The following KIAA1217 variants were observed in gnomAD, a reference collection of about 807,000 sequenced individuals.
The protein encoded by KIAA1217 is KIAA1217.
In KIAA1217, 88 loss-of-function variants were observed where a neutral mutation model predicts 163.9. The ratio of observed to expected loss-of-function variants is 0.54; its 90% CI spans 0.45 to 0.64. KIAA1217 has a LOEUF of 0.64. Among genes scored for constraint, KIAA1217 ranks in the 30% least tolerant of loss-of-function variants. The pLI is 0.00. For synonymous variants in KIAA1217, 903 were observed against 923.1 expected (o/e 0.98, Z 0.39); for missense variants, 2,372 against 2,475.0 (o/e 0.96, Z 0.88).
At chr10:23,790,002 T>C (rs1243445943) in intron 1 of KIAA1217, among the ~76,000 whole-genome samples, 1 of 105,456 alleles carries the variant, frequency 9.5e-6, no homozygotes, top group African/African-American at 4.2e-5. Context: ...TATACACATA[T>C]GCACATACAC....
At chr10:23,853,564 G>C (rs909789639) in intron 1 of KIAA1217, among the ~76,000 whole-genome samples, 1 of 152,160 alleles carries the variant, frequency 6.6e-6, no homozygotes, top group South Asian at 2.1e-4. Context: ...TTTTTCTATT[G>C]ATTGCAATAG....
intron 1 of KIAA1217, among the ~76,000 whole-genome samples, chr10:23,843,736 G>A (rs1838895823): frequency 6.6e-6 from 1 of 152,172 alleles, no homozygotes; most frequent in Non-Finnish European, 1.5e-5. Context: ...TGGTTGACCT[G>A]TTCCCTTGGC....
chr10:24,176,853 G>T (rs889542832), intron 2 of KIAA1217, among the ~76,000 whole-genome samples: 33 of 152,140 alleles, frequency 2.2e-4, no homozygotes, highest in African/African-American at 6.8e-4. Flanking sequence ...CGAGCTGCAG[G>T]TCCCGAGCCC....
intron 12 of KIAA1217, among the ~76,000 whole-genome samples, chr10:24,522,488 G>A (rs2071436137): frequency 6.6e-6 from 1 of 152,206 alleles, no homozygotes; most frequent in African/African-American, 2.4e-5. Context: ...ACCTCCTGAA[G>A]GAGTATCTGT....
intron 2 of KIAA1217, among the ~76,000 whole-genome samples, chr10:24,273,343 A>G (rs1009340497): frequency 2.0e-5 from 3 of 152,316 alleles, no homozygotes; most frequent in African/African-American, 7.2e-5. Flanking sequence ...CTCTAGTCAT[A>G]TTCTCAGACA....
At chr10:23,813,609 T>C (rs1253261932) in intron 1 of KIAA1217, among the ~76,000 whole-genome samples, 9 of 152,176 alleles carry the variant, frequency 5.9e-5, no homozygotes, top group Non-Finnish European at 8.8e-5. Context: ...TACCATAATG[T>C]ATTTAATTGT....
chr10:23,704,669 T>C (rs1564352235), intron 1 of KIAA1217, among the ~76,000 whole-genome samples: 1 of 152,220 alleles, frequency 6.6e-6, no homozygotes, highest in Non-Finnish European at 1.5e-5. Context: ...TAAAAGTTCA[T>C]TGTATGGATA....
intron 5 of KIAA1217, among the ~76,000 whole-genome samples, chr10:24,471,071 T>G (rs920832825): frequency 1.3e-5 from 2 of 152,180 alleles, no homozygotes; most frequent in African/African-American, 4.8e-5. Flanking sequence ...CTACATGCAG[T>G]GAATTTTTGT....
chr10:24,366,687 G>A (rs933606383), intron 2 of KIAA1217, among the ~76,000 whole-genome samples: 9 of 152,178 alleles, frequency 5.9e-5, no homozygotes, highest in Admixed American at 6.5e-5. Context: ...GCCTGCTTTC[G>A]TGGAGCAATC....
At chr10:24,092,221 A>T (rs1195241148) in intron 2 of KIAA1217, among the ~76,000 whole-genome samples, 1 of 151,598 alleles carries the variant, frequency 6.6e-6, no homozygotes, top group Non-Finnish European at 1.5e-5. Context: ...TGTCAGCTGA[A>T]ATTATCCATG....
chr10:24,167,702 C>A (rs2065425175), intron 2 of KIAA1217, among the ~76,000 whole-genome samples: 1 of 152,170 alleles, frequency 6.6e-6, no homozygotes, highest in Non-Finnish European at 1.5e-5. Flanking sequence ...CTCCCTCACA[C>A]AAACTCAATG....
At chr10:23,790,414 CATATATACATATAT>C (rs1564423428) in intron 1 of KIAA1217, among the ~76,000 whole-genome samples, 2 of 68,838 alleles carry the variant, frequency 2.9e-5, no homozygotes, top group Non-Finnish European at 5.6e-5. Context: ...TATACATATA[CATATATACATATAT>C]ACATATACAT....
chr10:23,929,478 T>C (rs908013091), intron 1 of KIAA1217, among the ~76,000 whole-genome samples: 1 of 152,148 alleles, frequency 6.6e-6, no homozygotes, highest in Non-Finnish European at 1.5e-5. Flanking sequence ...TTCCTCACTT[T>C]TGGAGTCCCC....
chr10:23,869,160 A>G (rs1457541042), intron 1 of KIAA1217, among the ~76,000 whole-genome samples: 1 of 104,896 alleles, frequency 9.5e-6, no homozygotes, highest in Non-Finnish European at 1.8e-5. Flanking sequence ...TTTTTGCATA[A>G]GTAGCATATA....
At chr10:23,915,029 C>T (rs547854892) in intron 1 of KIAA1217, among the ~76,000 whole-genome samples, 55 of 151,246 alleles carry the variant, frequency 3.6e-4, no homozygotes, top group African/African-American at 1.2e-3. Context: ...ATAGACCCGA[C>T]CTGTGACAGA....
At chr10:24,451,239 G>A (rs1236710743) in intron 5 of KIAA1217, among the ~76,000 whole-genome samples, 1 of 152,220 alleles carries the variant, frequency 6.6e-6, no homozygotes, top group East Asian at 1.9e-4. Flanking sequence ...TTGTTTGTGA[G>A]CTTGATTTGG....
At chr10:24,355,854 T>TTCTCC (rs1296561814) in intron 2 of KIAA1217, among the ~76,000 whole-genome samples, 3 of 144,190 alleles carry the variant, frequency 2.1e-5, no homozygotes, top group Non-Finnish European at 4.5e-5. Flanking sequence ...GTTCAAGCCA[T>TTCTCC]TCTCCTGCTT....
At position 24,282,474 on chromosome 10, in the gene KIAA1217, C is replaced by T. The variant is rs138905924; in HGVS notation, c.354+62565C>T. On this transcript the variant is annotated intron_variant, in intron 2 of 20. Transcript: ENST00000376454. ...CATAAGAAATTTGTGTTTATTTATCCCCCTGTGTTTATTTATTCAATCATT... is the reference window on the plus strand; with the variant it reads ...CATAAGAAATTTGTGTTTATTTATCTCCCTGTGTTTATTTATTCAATCATT... Among the ~76,000 whole-genome samples, 203 of 152,106 alleles carry T rather than the reference C, an allele frequency of 1.3e-3. 2 individuals carry two copies. Among genetic ancestry groups the T allele is most frequent in the African/African-American group, 4.4e-3 (182 of 41,492 alleles).
chr10:24,304,205 C>CTTTT (rs35675149), intron 2 of KIAA1217, among the ~76,000 whole-genome samples: 1 of 125,532 alleles, frequency 8.0e-6, no homozygotes, highest in Non-Finnish European at 1.7e-5. Context: ...ATTAGGTTAC[C>CTTTT]TTTTTTTTTT....
Sources: gnomAD v4.1 joint callset for allele counts (sites outside exome capture counted in the v4.1 genomes callset) on GRCh38, gnomAD v4.1.1 for gene constraint, MANE v1.5 for transcripts, NCBI Gene and HGNC (gene_info 2026-07-23, HGNC 2026-07-21) for gene names.